SUSD5: variants seen among roughly 807,000 people sequenced by gnomAD.
The protein encoded by SUSD5 is sushi domain containing 5.
A neutral mutation model predicts 29.5 loss-of-function variants in SUSD5; 33 were observed. That is an observed-to-expected ratio of 1.12 (90% confidence interval 0.85 to 1.49). The LOEUF is 1.49. SUSD5 is among the 40% of genes most tolerant of loss of function. SUSD5 has a pLI of 0.00. For missense variants in SUSD5, 776 were observed against 800.6 expected (o/e 0.97, Z 0.37); for synonymous variants, 308 against 325.3 (o/e 0.95, Z 0.57).
chr3:33,155,829 T>G (rs1233002127), intron 4 of SUSD5, among the ~76,000 whole-genome samples: 1 of 152,128 alleles, frequency 6.6e-6, no homozygotes, highest in Non-Finnish European at 1.5e-5. Flanking sequence ...CAGGCAGAAT[T>G]AATCTATGGA....
rs377463703 is a variant in SUSD5 at position 33,207,847 on chromosome 3, G to A, written c.370C>T (p.Pro124Ser). 1.2e-6 allele frequency: 2 copies of A among 1,613,768 alleles called. No individual in the cohort carries two copies. Among genetic ancestry groups the A allele is most frequent in the African/African-American group, 1.3e-5 (1 of 74,914 alleles). The stretch of plus-strand genomic sequence containing the variant: ...CAAAGGGCACTGTATGTGCCACCAG[G>A]AACTGGGTTGCTCTCAATTCTCACA... ...VDVRIESNPV[P>S]GGTYSALCIK... Residue 124 changes from proline (P) to serine (S), a missense_variant, in exon 3 of 5, where the codon CCT becomes TCT. Pro to Ser is a moderately conservative substitution (Grantham distance 74). Transcript: ENST00000309558.
rs375498740 is a variant in SUSD5 at position 33,198,005 on chromosome 3, A to G, written c.409+9803T>C. On this transcript the variant is annotated intron_variant, in intron 3 of 4. Coordinates refer to ENST00000309558, the MANE Select transcript of SUSD5 (RefSeq NM_015551.2). ...GGCATGGAATTACTTGGTTGTACGC[A>G]TATTAGCTGTATATATAATACATGT... Among the ~76,000 whole-genome samples, 5 of 152,342 alleles carry G rather than the reference A, an allele frequency of 3.3e-5. No individual in the cohort carries two copies. The South Asian group carries it at 6.2e-4, about 19-fold the overall frequency.
rs1223082389 is a variant in SUSD5 at position 33,163,474 on chromosome 3, CAA to C, written c.599-9443_599-9442del. Among the ~76,000 whole-genome samples, 5 of 152,222 alleles carry C rather than the reference CAA, an allele frequency of 3.3e-5. No individual in the cohort carries two copies. In the East Asian group the frequency reaches 7.7e-4, roughly 24 times the overall value. Reference sequence around the variant, plus strand: ...AAAGGAGTTTTAGAAAAGCATCTGACAAAGTCAACAAGATAAAAACCCTTAGA... The same window carrying C: ...AAAGGAGTTTTAGAAAAGCATCTGACAGTCAACAAGATAAAAACCCTTAGA... On this transcript the variant is annotated intron_variant, in intron 4 of 4. Transcript: ENST00000309558.
chr3:33,184,710 A>G (rs1348294821), intron 3 of SUSD5, among the ~76,000 whole-genome samples: 2 of 152,154 alleles, frequency 1.3e-5, no homozygotes, highest in African/African-American at 4.8e-5. Context: ...TCTACTGATG[A>G]GCCTATTTCT....
intron 3 of SUSD5, among the ~76,000 whole-genome samples, chr3:33,203,172 A>G (rs1248809152): frequency 6.6e-6 from 1 of 152,144 alleles, no homozygotes; most frequent in Admixed American, 6.5e-5. Context: ...GTCAACAAAG[A>G]CTCTACTGAG....
intron 1 of SUSD5, among the ~76,000 whole-genome samples, chr3:33,218,465 G>A (rs1160101065): frequency 6.6e-6 from 1 of 152,206 alleles, no homozygotes; most frequent in African/African-American, 2.4e-5. Context: ...GGCGCTAAGG[G>A]AGGGTCCAGG....
At chr3:33,190,287 C>CT (rs1486159155) in intron 3 of SUSD5, 14 of 163,168 alleles carry the variant, frequency 8.6e-5, no homozygotes, top group African/African-American at 2.9e-4. Context: ...CTGCCTTCTT[C>CT]TTAATGCTGG....
rs761459892 is a variant in SUSD5, at chr3:33,214,087, T to G, written c.131A>C (p.Glu44Ala). 3 of 1,608,554 alleles carry G rather than the reference T, an allele frequency of 1.9e-6. No individual in the cohort carries two copies. The highest frequency in any genetic ancestry group is 2.5e-6 in the Non-Finnish European group (3 of 1,177,724). The change falls in exon 2 of 5, where the codon GAG becomes GCG. Residue 44 changes from glutamate (E) to alanine (A), a missense_variant. Coordinates refer to ENST00000309558, the MANE Select transcript of SUSD5 (RefSeq NM_015551.2). ...VRADGKFFVL[E>A]SQNGSQGLQL... The stretch of plus-strand genomic sequence containing the variant: ...TAGGCCCTGAGAGCCATTCTGAGAC[T>G]CCAGCACAAAGAACTTTCCTGTGTG...
At chr3:33,181,919 A>G (rs75131911) in intron 3 of SUSD5, among the ~76,000 whole-genome samples, 4,182 of 152,294 alleles carry the variant, frequency 0.027, 154 homozygotes, top group African/African-American at 0.091. Context: ...TACAATGCAT[A>G]TCTCAAAATG....
chr3:33,182,468 A>C (rs1040783603), intron 3 of SUSD5, among the ~76,000 whole-genome samples: 1 of 152,204 alleles, frequency 6.6e-6, no homozygotes, highest in Non-Finnish European at 1.5e-5. Flanking sequence ...AAGTTCAACT[A>C]TGTGCTTGCT....
intron 4 of SUSD5, among the ~76,000 whole-genome samples, chr3:33,157,873 C>G (rs761752690): frequency 6.6e-6 from 1 of 152,258 alleles, no homozygotes; most frequent in Non-Finnish European, 1.5e-5. Context: ...CCAGCCCAAA[C>G]TGCTGACTCA....
chr3:33,207,161 A>G (rs1341498116), intron 3 of SUSD5, among the ~76,000 whole-genome samples: 1 of 152,198 alleles, frequency 6.6e-6, no homozygotes, highest in Non-Finnish European at 1.5e-5. Context: ...CCTTACTGTG[A>G]GCAGTTCCCT....
intron 4 of SUSD5, among the ~76,000 whole-genome samples, chr3:33,171,331 G>A (rs536640194): frequency 4.0e-5 from 6 of 149,742 alleles, no homozygotes; most frequent in African/African-American, 1.5e-4. Context: ...TGGCGACAGA[G>A]CGAGACTCCT....
At chr3:33,183,498 C>G (rs2031714861) in intron 3 of SUSD5, among the ~76,000 whole-genome samples, 1 of 152,098 alleles carries the variant, frequency 6.6e-6, no homozygotes, top group South Asian at 2.1e-4. Flanking sequence ...TAACACTATA[C>G]TATACTTCAC....
At chr3:33,189,727 A>C (rs1255394318) in intron 3 of SUSD5, among the ~76,000 whole-genome samples, 1 of 152,176 alleles carries the variant, frequency 6.6e-6, no homozygotes, top group Non-Finnish European at 1.5e-5. Context: ...GGGAATTCTA[A>C]TTAGATTGGC....
At chr3:33,184,890 C>A (rs1470669487) in intron 3 of SUSD5, among the ~76,000 whole-genome samples, 4 of 152,206 alleles carry the variant, frequency 2.6e-5, no homozygotes, top group African/African-American at 9.6e-5. Context: ...AATGTTCCCG[C>A]CCTATCTGAG....
At position 33,150,938 on chromosome 3, in the gene SUSD5, G is replaced by C. The variant is rs1417055611; in HGVS notation, c.*1804C>G. The C allele has an allele frequency of 6.6e-6, 1 of 152,164 alleles. No individual in the cohort carries two copies. The highest frequency in any genetic ancestry group is 1.5e-5 in the Non-Finnish European group (1 of 68,036). 9.4% of individuals were successfully genotyped at this position (152,164 alleles called of 1,614,324 possible). A position where few individuals can be genotyped will look rare whatever the true frequency, so the allele number is the denominator to read the frequency against. On this transcript the variant is annotated 3_prime_UTR_variant, in exon 5 of 5. Coordinates refer to ENST00000309558, the MANE Select transcript of SUSD5 (RefSeq NM_015551.2). Reference sequence around the variant, plus strand: ...TACCACTGATAACTATTTCTAAGAAGGTGATTCATATTAGAAAAATATAAC... The same window carrying C: ...TACCACTGATAACTATTTCTAAGAACGTGATTCATATTAGAAAAATATAAC...
At chr3:33,176,294 G>A (rs1394734334) in intron 3 of SUSD5, among the ~76,000 whole-genome samples, 1 of 152,202 alleles carries the variant, frequency 6.6e-6, no homozygotes. Flanking sequence ...AATGAATAAA[G>A]CTGCTATACA....
intron 4 of SUSD5, among the ~76,000 whole-genome samples, chr3:33,159,447 T>C (rs190742376): frequency 6.6e-6 from 1 of 152,274 alleles, no homozygotes; most frequent in African/African-American, 2.4e-5. Context: ...TTCACTTCCA[T>C]CTGCCCCAGT....
Sources: gnomAD v4.1 joint callset for allele counts (sites outside exome capture counted in the v4.1 genomes callset) on GRCh38, gnomAD v4.1.1 for gene constraint, MANE v1.5 for transcripts, NCBI Gene and HGNC (gene_info 2026-07-23, HGNC 2026-07-21) for gene names.